The following KMT2C variants were observed in gnomAD, a reference collection of about 807,000 sequenced individuals.
KMT2C encodes the protein histone-lysine N-methyltransferase 2C.
In KMT2C, 88 loss-of-function variants were observed where a neutral mutation model predicts 507.9. That is an observed-to-expected ratio of 0.17 (90% CI 0.15 to 0.21). The LOEUF is 0.21. KMT2C is among the 10% of genes least tolerant of loss of function. The pLI is 1.00. For synonymous variants in KMT2C, 2,049 were observed against 2,080.8 expected (o/e 0.98, Z 0.42); for missense variants, 4,954 against 5,957.8 (o/e 0.83, Z 5.55).
At chr7:152,233,100 G>T (rs2095172441) in intron 16 of KMT2C, among the ~76,000 whole-genome samples, 1 of 152,144 alleles carries the variant, frequency 6.6e-6, no homozygotes, top group South Asian at 2.1e-4. Flanking sequence ...TCAAGTGGGG[G>T]TGGGGAGTCA....
intron 32 of KMT2C, 69 bp downstream of exon 32, chr7:152,187,646 G>C (rs2093665036): frequency 6.5e-7 from 1 of 1,536,232 alleles, no homozygotes; most frequent in Non-Finnish European, 8.9e-7. Flanking sequence ...CATTTAAGCA[G>C]ACTAATTTAT....
chr7:152,203,615 A>G (rs2094209950), intron 25 of KMT2C, among the ~76,000 whole-genome samples: 1 of 152,194 alleles, frequency 6.6e-6, no homozygotes, highest in South Asian at 2.1e-4. Flanking sequence ...AGAAATGGAA[A>G]TAAATTTGGG....
intron 12 of KMT2C, among the ~76,000 whole-genome samples, chr7:152,250,441 T>G (rs1328019992): frequency 1.3e-5 from 2 of 152,182 alleles, no homozygotes; most frequent in Non-Finnish European, 2.9e-5. Context: ...CAATATTTAC[T>G]ACAAAAAGCT....
intron 1 of KMT2C, among the ~76,000 whole-genome samples, chr7:152,396,151 C>T (rs994976977): frequency 2.0e-5 from 3 of 152,178 alleles, no homozygotes; most frequent in African/African-American, 7.2e-5. Flanking sequence ...AACACTATCA[C>T]CCATAAGCAG....
chr7:152,167,432 T>C (rs2092778275), intron 41 of KMT2C, 54 bp from the exon 42 acceptor site: 21 of 1,192,792 alleles, frequency 1.8e-5, no homozygotes, highest in Non-Finnish European at 2.4e-5. Flanking sequence ...TCCAACATTA[T>C]AAGTTACACA....
intron 2 of KMT2C, among the ~76,000 whole-genome samples, chr7:152,352,409 A>G (rs2097120783): frequency 1.3e-5 from 2 of 151,886 alleles, no homozygotes; most frequent in Admixed American, 1.3e-4. Context: ...GTGATATTCT[A>G]TTACCTTGTG....
Position 152,221,938 on chromosome 7 carries a change from C to T in KMT2C, c.3499+63G>A, listed in dbSNP as rs142869694. On this transcript the variant is annotated intron_variant, in intron 22 of 58. Coordinates refer to ENST00000262189, the MANE Select transcript of KMT2C (RefSeq NM_170606.3). The stretch of plus-strand genomic sequence containing the variant: ...TGAAGCAGGTTTGACAAGTGGTAAG[C>T]CAATTATGTAAAAATTAAGCAAAGT... 658 of 1,263,504 alleles carry T rather than the reference C, an allele frequency of 5.2e-4. No individual in the cohort carries two copies. The African/African-American group carries it at 8.9e-3, about 17-fold the overall frequency. 78.3% of individuals were successfully genotyped at this position (1,263,504 alleles called of 1,614,324 possible).
chr7:152,189,922 C>T (rs1315067755), intron 31 of KMT2C, among the ~76,000 whole-genome samples: 1 of 152,216 alleles, frequency 6.6e-6, no homozygotes, highest in East Asian at 1.9e-4. Flanking sequence ...CAGTCCATGA[C>T]CTGTTAGGAA....
chr7:152,162,913 G>C lies in KMT2C; in HGVS notation c.10664C>G (p.Pro3555Arg), dbSNP rs781072944. 2.5e-6 allele frequency: 4 copies of C among 1,614,060 alleles called. No individual in the cohort carries two copies. The East Asian group carries it at 8.9e-5, about 36-fold the overall frequency. ...QQSPVRPSFT[P>R]ALPAAPPVAN... is the part of the protein sequence containing the mutation. Reference sequence around the variant, plus strand: ...TACTGGAGGTGCTGCTGGTAAAGCAGGTGTAAAAGAAGGCCTCACTGGGGA... The same window carrying C: ...TACTGGAGGTGCTGCTGGTAAAGCACGTGTAAAAGAAGGCCTCACTGGGGA... The change falls in exon 43 of 59, where the codon CCT becomes CGT. Residue 3555 changes from proline (P) to arginine (R), a missense_variant. Physicochemically the swap from Pro to Arg is moderately radical, Grantham distance 103 (BLOSUM62 -2). Around this residue, in one of 29 missense-constraint regions of KMT2C, gnomAD observed 801 missense variants for 751.2 expected, o/e 1.07. Coordinates refer to ENST00000262189, the MANE Select transcript of KMT2C (RefSeq NM_170606.3).
At chr7:152,249,672 C>T (rs1281003921) in intron 13 of KMT2C, among the ~76,000 whole-genome samples, 2 of 75,976 alleles carry the variant, frequency 2.6e-5, no homozygotes, top group East Asian at 6.5e-4. Flanking sequence ...CCTCCCCCCT[C>T]CAAAAAAAAA....
chr7:152,392,285 A>G (rs867511020), intron 1 of KMT2C, among the ~76,000 whole-genome samples: 2 of 152,174 alleles, frequency 1.3e-5, no homozygotes, highest in Non-Finnish European at 2.9e-5. Flanking sequence ...CACAGAAATG[A>G]TCCAAACTCA....
At chr7:152,280,437 G>A (rs1333770729) in intron 6 of KMT2C, among the ~76,000 whole-genome samples, 11 of 152,220 alleles carry the variant, frequency 7.2e-5, no homozygotes, top group Admixed American at 7.2e-4. Flanking sequence ...TGTAATCCCG[G>A]CCACCTGGGA....
chr7:152,146,295 A>AGAG (rs1444172908), intron 53 of KMT2C, among the ~76,000 whole-genome samples: 7 of 152,194 alleles, frequency 4.6e-5, no homozygotes, highest in Admixed American at 2.0e-4. Flanking sequence ...AGGCAAGGGA[A>AGAG]GAGGAGAGTG....
At chr7:152,433,412 T>C (rs1026006411) in intron 1 of KMT2C, among the ~76,000 whole-genome samples, 14 of 115,284 alleles carry the variant, frequency 1.2e-4, no homozygotes, top group African/African-American at 5.7e-4. Flanking sequence ...AGTATAGAGA[T>C]ACACAATTCA....
intron 31 of KMT2C, among the ~76,000 whole-genome samples, chr7:152,192,092 T>G (rs2129127613): frequency 6.6e-6 from 1 of 151,864 alleles, no homozygotes; most frequent in African/African-American, 2.4e-5. Flanking sequence ...AAAATGAGAC[T>G]GCACAATGAA....
At chr7:152,428,757 G>A (rs558173855) in intron 1 of KMT2C, among the ~76,000 whole-genome samples, 51 of 152,076 alleles carry the variant, frequency 3.4e-4, no homozygotes, top group Non-Finnish European at 5.6e-4. Flanking sequence ...AGGGCATAAG[G>A]ACTCCTAGAC....
chr7:152,416,587 A>G (rs2097739011), intron 1 of KMT2C, among the ~76,000 whole-genome samples: 1 of 151,390 alleles, frequency 6.6e-6, no homozygotes, highest in Non-Finnish European at 1.5e-5. Flanking sequence ...TTAGCCAGGC[A>G]TGGTAGCGCG....
At chr7:152,204,232 A>T (rs1245183753) in intron 25 of KMT2C, among the ~76,000 whole-genome samples, 1 of 152,108 alleles carries the variant, frequency 6.6e-6, no homozygotes, top group Non-Finnish European at 1.5e-5. Context: ...CGGGAGGTGA[A>T]GGTTGCAGTG....
At chr7:152,139,094 C>T (rs895109382) in intron 57 of KMT2C, 92 bp downstream of exon 57, 23 of 1,251,138 alleles carry the variant, frequency 1.8e-5, no homozygotes, top group Admixed American at 3.5e-5. Context: ...GCCAGGCTGC[C>T]GTGAGAGCCT....
Sources: allele counts gnomAD v4.1 joint callset (sites outside exome capture counted in the v4.1 genomes callset), GRCh38; gene constraint gnomAD v4.1.1; regional missense constraint gnomAD v4.1.1; transcripts MANE v1.5; gene names NCBI Gene and HGNC (gene_info 2026-07-23, HGNC 2026-07-21).